TANC1: variants seen among roughly 807,000 people sequenced by gnomAD.
The protein encoded by TANC1 is tetratricopeptide repeat, ankyrin repeat and coiled-coil containing 1, also known as protein TANC1.
A neutral mutation model predicts 149.7 loss-of-function variants in TANC1; 77 were observed. The observed-to-expected ratio is 0.51, with a 90% CI of 0.43 to 0.62. The LOEUF is 0.62. TANC1 is among the 20% of genes least tolerant of loss of function. The pLI is 0.00. For synonymous variants in TANC1, 854 were observed against 925.0 expected (o/e 0.92, Z 1.39); for missense variants, 1,985 against 2,321.8 (o/e 0.85, Z 2.98).
At position 159,230,836 on chromosome 2, in the gene TANC1, G is replaced by C. The variant is rs777270569; in HGVS notation, c.5410G>C (p.Glu1804Gln). Residue 1804 changes from glutamate to glutamine, a missense_variant, in exon 27 of 27, where the codon GAA becomes CAA. Transcript: ENST00000263635. This position sits in a 1 kb window ranked among gnomAD's most constrained non-coding sequence, Gnocchi z 4.4. ...CAATGGGGCACAAGTGAAGGAGCTA[G>C]AAGAAAGCAAGTGCCAAATTCCAGT... ...VHNGAQVKEL[E>Q]ESKCQIPVHS... 1 of 1,614,220 alleles carries C rather than the reference G, an allele frequency of 6.2e-7. No homozygotes were observed. The highest frequency in any genetic ancestry group is 1.7e-5 in the Admixed American group (1 of 60,022).
chr2:159,102,251 C>T (rs1370781669), intron 4 of TANC1, among the ~76,000 whole-genome samples: 1 of 151,964 alleles, frequency 6.6e-6, no homozygotes, highest in African/African-American at 2.4e-5. Context: ...CATTATGTAA[C>T]CCTCTTGTGT....
Position 159,219,861 on chromosome 2 carries a change from C to G in TANC1, c.3672C>G (p.Ala1224=), listed in dbSNP as rs375234379. 3 of 1,612,692 alleles carry G rather than the reference C, an allele frequency of 1.9e-6. No homozygotes were observed. The highest frequency in any genetic ancestry group is 1.3e-5 in the African/African-American group (1 of 74,840). ...PLDLAAFYGD[A]ETVLYLVEKG... ...ACCTGGCTGCCTTCTATGGCGATGC[C>G]GAGACTGTGAGTACCAGCAGGTGTT... The change falls in exon 22 of 27, where the codon GCC becomes GCG. Residue 1224 remains alanine, a synonymous_variant. Transcript: ENST00000263635.
chr2:159,157,306 G>A (rs1047561370), intron 7 of TANC1, among the ~76,000 whole-genome samples: 1 of 152,338 alleles, frequency 6.6e-6, no homozygotes, highest in Admixed American at 6.5e-5. Context: ...TTTGTTCTCT[G>A]TGGTTGGTTA....
chr2:159,158,343 G>C (rs2053648873), intron 7 of TANC1, among the ~76,000 whole-genome samples: 2 of 152,066 alleles, frequency 1.3e-5, no homozygotes, highest in Admixed American at 6.6e-5. Context: ...CTGGGCAACA[G>C]AGCGAGACCC....
intron 8 of TANC1, among the ~76,000 whole-genome samples, 167 bp downstream of exon 8, chr2:159,163,713 G>C (rs2054285230): frequency 6.6e-6 from 1 of 152,084 alleles, no homozygotes; most frequent in Admixed American, 6.6e-5. Context: ...ACACAATAAG[G>C]CTGTACTTAA....
rs389601 is a variant in TANC1, at chr2:159,102,969, T to C, written c.259+5135T>C. 2.5e-4 allele frequency among the ~76,000 whole-genome samples: 23 copies of C among 91,008 alleles called. 5 individuals are homozygous for C. Among genetic ancestry groups the C allele is most frequent in the East Asian group, 4.8e-4 (2 of 4,124 alleles). The allele number at this position is 91,008 out of a possible 152,430, so 59.7% of individuals were successfully genotyped here. The stretch of plus-strand genomic sequence containing the variant: ...TCCTGATCCCACGATCCGCCCACCT[T>C]GGCCTCCCAGAGTGCTGGGATTACA... On this transcript the variant is annotated intron_variant, in intron 4 of 26. Coordinates refer to ENST00000263635, the MANE Select transcript of TANC1 (RefSeq NM_033394.3).
At chr2:158,978,780 T>C (rs1386366328) in intron 1 of TANC1, among the ~76,000 whole-genome samples, 1 of 152,218 alleles carries the variant, frequency 6.6e-6, no homozygotes, top group African/African-American at 2.4e-5. Context: ...TCACAAGTTG[T>C]AGGCTTTCAA....
rs2056919326 is a variant in TANC1, at chr2:159,185,807, T to C, written c.2527T>C (p.Leu843=). The stretch of plus-strand genomic sequence containing the variant: ...TTCCCCTAGGAACGGGCACGCGCTC[T>C]TGGCATTCATGTTCTCGCGTCAGGA... ...LCEPRNGHAL[L]AFMFSRQEGK... The change falls in exon 15 of 27, where the codon TTG becomes CTG. Residue 843 remains leucine, a synonymous_variant. Transcript: ENST00000263635. The C allele has an allele frequency of 6.2e-7, 1 of 1,613,914 alleles. No homozygotes were observed. The highest frequency in any genetic ancestry group is 8.5e-7 in the Non-Finnish European group (1 of 1,179,948).
chr2:159,128,830 A>G (rs2049772664), intron 4 of TANC1, among the ~76,000 whole-genome samples: 2 of 152,144 alleles, frequency 1.3e-5, no homozygotes, highest in Admixed American at 6.5e-5. Flanking sequence ...CTCTGTCTGG[A>G]TGTCTTGCTC....
chr2:158,975,805 A>G (rs2033587948), intron 1 of TANC1, among the ~76,000 whole-genome samples: 1 of 151,400 alleles, frequency 6.6e-6, no homozygotes, highest in African/African-American at 2.4e-5. Flanking sequence ...TGTGAGAAAA[A>G]ACATTTTCGT....
At chr2:159,215,868 G>A (rs2059310121) in intron 19 of TANC1, among the ~76,000 whole-genome samples, 1 of 152,170 alleles carries the variant, frequency 6.6e-6, no homozygotes. Flanking sequence ...GACATGTAGT[G>A]TTCTGCTGAT....
intron 3 of TANC1, among the ~76,000 whole-genome samples, chr2:159,071,531 A>G (rs2043156850): frequency 1.3e-5 from 2 of 152,196 alleles, no homozygotes. Context: ...TTAGCTTTGC[A>G]TCTAATTCTT....
intron 9 of TANC1, among the ~76,000 whole-genome samples, chr2:159,169,802 G>A (rs1210868413): frequency 6.6e-6 from 1 of 152,096 alleles, no homozygotes; most frequent in African/African-American, 2.4e-5. Flanking sequence ...AGACCAGCCT[G>A]GCCAATGTGG....
chr2:159,138,346 C>T (rs1405320780), intron 5 of TANC1, among the ~76,000 whole-genome samples: 2 of 152,098 alleles, frequency 1.3e-5, no homozygotes, highest in African/African-American at 4.8e-5. Flanking sequence ...TGGTGGATGC[C>T]GCAGCAGGGT....
intron 5 of TANC1, among the ~76,000 whole-genome samples, chr2:159,143,691 GT>G (rs2150265511): frequency 6.6e-6 from 1 of 151,722 alleles, no homozygotes; most frequent in Admixed American, 6.6e-5. Context: ...TGAGGCTGCA[GT>G]TCTTCACATG....
At chr2:158,974,431 A>T (rs112470293) in intron 1 of TANC1, among the ~76,000 whole-genome samples, 100 of 152,172 alleles carry the variant, frequency 6.6e-4, no homozygotes, top group East Asian at 1.5e-3. Flanking sequence ...ATATATATAT[A>T]TTTTTTAATT....
chr2:158,972,196 G>A (rs2032986019), intron 1 of TANC1, among the ~76,000 whole-genome samples: 3 of 151,990 alleles, frequency 2.0e-5, no homozygotes, highest in Non-Finnish European at 2.9e-5. Context: ...TTTATAATCC[G>A]GACTAGTAAC....
intron 10 of TANC1, among the ~76,000 whole-genome samples, chr2:159,171,874 A>AAAAG (rs2055277473): frequency 7.7e-6 from 1 of 130,618 alleles, no homozygotes; most frequent in Non-Finnish European, 1.8e-5. Flanking sequence ...AAAAAAAAAA[A>AAAAG]AGAAAAAGAA....
chr2:159,148,876 C>T (rs950318822), intron 5 of TANC1: 83 of 297,064 alleles, frequency 2.8e-4, no homozygotes, highest in Non-Finnish European at 4.4e-4. Context: ...TCACATGACT[C>T]GGAATTAGGA....
Sources: allele counts gnomAD v4.1 joint callset (sites outside exome capture counted in the v4.1 genomes callset), GRCh38; gene constraint gnomAD v4.1.1; non-coding constraint Gnocchi (gnomAD v3.1); transcripts MANE v1.5; gene names NCBI Gene and HGNC (gene_info 2026-07-23, HGNC 2026-07-21).